Variants in SLMAP observed in about 807,000 individuals in gnomAD.
The protein encoded by SLMAP is sarcolemma associated protein.
Under a neutral mutation model 128.8 loss-of-function variants are expected in SLMAP, and 44 were observed. The observed-to-expected ratio is 0.34, with a 90% CI of 0.27 to 0.44. The LOEUF (loss-of-function observed/expected upper bound fraction) is 0.44, where lower values mean the gene tolerates loss of function less well. Ranked by LOEUF, SLMAP falls within the 20% of genes least tolerant of loss-of-function variation. The pLI is 1.00. For synonymous variants in SLMAP, 327 were observed against 348.8 expected (o/e 0.94, Z 0.70); for missense variants, 787 against 985.3 (o/e 0.80, Z 2.69).
At chr3:57,868,749 GCCACATTGTATTAGT>G (rs971083015) in intron 13 of SLMAP, among the ~76,000 whole-genome samples, 2 of 145,204 alleles carry the variant, frequency 1.4e-5, no homozygotes, top group African/African-American at 5.1e-5. Flanking sequence ...AATTCTGGCA[GCCACATTGTATTAGT>G]CAGGGTTCTC....
intron 2 of SLMAP, among the ~76,000 whole-genome samples, chr3:57,828,880 A>T (rs922053913): frequency 1.3e-5 from 2 of 152,100 alleles, no homozygotes; most frequent in African/African-American, 4.8e-5. Flanking sequence ...CCCAGGGCTC[A>T]AGCCATCCTC....
chr3:57,758,302 C>T (rs986600479), intron 2 of SLMAP, among the ~76,000 whole-genome samples: 10 of 152,302 alleles, frequency 6.6e-5, no homozygotes, highest in Admixed American at 5.2e-4. Context: ...GAGTTCAGAT[C>T]AGGACCTTTC....
intron 2 of SLMAP, among the ~76,000 whole-genome samples, chr3:57,758,570 T>A (rs967168507): frequency 3.3e-5 from 5 of 152,220 alleles, no homozygotes; most frequent in African/African-American, 1.2e-4. Flanking sequence ...AAGTTAGTGT[T>A]AGGAAATAAA....
At chr3:57,797,673 A>T (rs2087105132) in intron 2 of SLMAP, among the ~76,000 whole-genome samples, 1 of 152,208 alleles carries the variant, frequency 6.6e-6, no homozygotes, top group Non-Finnish European at 1.5e-5. Flanking sequence ...AAAATAAATT[A>T]TTTTTGAAAA....
intron 2 of SLMAP, among the ~76,000 whole-genome samples, chr3:57,811,491 A>G (rs535444819): frequency 1.3e-5 from 2 of 152,188 alleles, no homozygotes; most frequent in East Asian, 1.9e-4. Context: ...TTATCCATTC[A>G]TCTATTGATG....
rs916911913 is a variant in SLMAP, at chr3:57,847,135, C to T, written c.420-62C>T. On this transcript the variant is annotated intron_variant, in intron 4 of 24. Coordinates refer to ENST00000671191, the MANE Select transcript of SLMAP (RefSeq NM_001377540.1). ...TTGTGGTGTAAGATATTCTGGTGCTCTCATACTCTGTTTCCTCTATTGTCC... is the reference window on the plus strand; with the variant it reads ...TTGTGGTGTAAGATATTCTGGTGCTTTCATACTCTGTTTCCTCTATTGTCC... The T allele has an allele frequency of 3.0e-5, 32 of 1,071,372 alleles. No homozygotes were observed. The African/African-American group carries it at 5.0e-4, about 17-fold the overall frequency. 66.4% of individuals were successfully genotyped at this position (1,071,372 alleles called of 1,614,324 possible).
chr3:57,795,609 T>C (rs561728615), intron 2 of SLMAP, among the ~76,000 whole-genome samples: 2 of 152,296 alleles, frequency 1.3e-5, no homozygotes, highest in South Asian at 4.2e-4. Flanking sequence ...CTGTATCAGA[T>C]AAATGATTTG....
At chr3:57,907,806 A>G in intron 17 of SLMAP, 78 bp from the exon 18 acceptor site, 2 of 1,381,112 alleles carry the variant, frequency 1.4e-6, no homozygotes, top group Non-Finnish European at 9.9e-7. Context: ...TGCAAACATG[A>G]GAGAGATTAC....
At chr3:57,835,972 C>T (rs1424499796) in intron 3 of SLMAP, among the ~76,000 whole-genome samples, 2 of 151,962 alleles carry the variant, frequency 1.3e-5, no homozygotes, top group Non-Finnish European at 2.9e-5. Context: ...ATGTTTTTGG[C>T]ATCAGTGTGT....
At chr3:57,773,078 G>C (rs999307319) in intron 2 of SLMAP, among the ~76,000 whole-genome samples, 1 of 152,152 alleles carries the variant, frequency 6.6e-6, no homozygotes, top group Non-Finnish European at 1.5e-5. Context: ...AGCTTTTAGT[G>C]GGGGGATAGG....
intron 2 of SLMAP, among the ~76,000 whole-genome samples, chr3:57,830,953 C>T (rs1010776868): frequency 2.0e-5 from 3 of 152,156 alleles, no homozygotes; most frequent in African/African-American, 4.8e-5. Flanking sequence ...TGAATGTCTA[C>T]CACATTTGTT....
At chr3:57,869,660 A>AAT (rs1553900184) in intron 13 of SLMAP, among the ~76,000 whole-genome samples, 5 of 81,370 alleles carry the variant, frequency 6.1e-5, no homozygotes, top group East Asian at 6.7e-4. Flanking sequence ...ATATATATAT[A>AAT]ATATATATAA....
chr3:57,809,051 C>A (rs1194333577), intron 2 of SLMAP, among the ~76,000 whole-genome samples: 1 of 152,154 alleles, frequency 6.6e-6, no homozygotes. Context: ...CCTCCCTGTG[C>A]TCTTGGTGGA....
chr3:57,914,654 C>T (rs556119080), intron 21 of SLMAP, among the ~76,000 whole-genome samples: 1 of 151,850 alleles, frequency 6.6e-6, no homozygotes, highest in South Asian at 2.1e-4. Flanking sequence ...GCGATCTCAG[C>T]TCATCACAAC....
chr3:57,868,797 TATATATATATATATATATATATATAAA>T (rs1462661632), intron 13 of SLMAP, among the ~76,000 whole-genome samples: 24 of 20,930 alleles, frequency 1.1e-3, no homozygotes, highest in Admixed American at 3.3e-3. Context: ...ACTAATGGAA[TATATATATATATATATATATATATAAA>T]ATATATATAT....
rs1376436965 is a variant in SLMAP at position 57,756,744 on chromosome 3, G to A, written c.-908G>A. On this transcript the variant is annotated 5_prime_UTR_variant, in exon 2 of 25. It removes the in-frame stop codon of an upstream open reading frame in the 5' UTR. Coordinates refer to ENST00000671191, the MANE Select transcript of SLMAP (RefSeq NM_001377540.1). The stretch of plus-strand genomic sequence containing the variant: ...ATGCGACCCTCGCGGGGGCGACCCT[G>A]AGGGGAGGCGGCCCATGTGCTGAGC... 6.6e-6 allele frequency: 1 copy of A among 152,364 alleles called. No homozygotes were observed. Among genetic ancestry groups the A allele is most frequent in the Non-Finnish European group, 1.5e-5 (1 of 68,162 alleles). The allele number at this position is 152,364 out of a possible 1,614,324, so 9.4% of individuals were successfully genotyped here. A position where few individuals can be genotyped will look rare whatever the true frequency, so the allele number is the denominator to read the frequency against.
At chr3:57,766,097 C>T (rs1241515914) in intron 2 of SLMAP, among the ~76,000 whole-genome samples, 1 of 148,628 alleles carries the variant, frequency 6.7e-6, no homozygotes, top group African/African-American at 2.5e-5. Flanking sequence ...CTCCCGGGTT[C>T]ACGCCATTCT....
At chr3:57,791,273 T>A (rs1278508492) in intron 2 of SLMAP, among the ~76,000 whole-genome samples, 1 of 151,346 alleles carries the variant, frequency 6.6e-6, no homozygotes, top group Non-Finnish European at 1.5e-5. Flanking sequence ...GGCAGGAGAA[T>A]CTCTTGAATC....
chr3:57,778,841 C>T (rs2082436267), intron 2 of SLMAP, among the ~76,000 whole-genome samples: 2 of 152,078 alleles, frequency 1.3e-5, no homozygotes, highest in Admixed American at 6.6e-5. Context: ...GCTTTCTTCT[C>T]TTCTAATGAA....
Sources: allele counts gnomAD v4.1 joint callset (sites outside exome capture counted in the v4.1 genomes callset), GRCh38; gene constraint gnomAD v4.1.1; transcripts MANE v1.5; gene names NCBI Gene and HGNC (gene_info 2026-07-23, HGNC 2026-07-21).